OCRL: variants seen among roughly 807,000 people sequenced by gnomAD.
The protein encoded by OCRL is OCRL inositol polyphosphate-5-phosphatase.
In OCRL, 8 loss-of-function variants were observed where a neutral mutation model predicts 78.9. The ratio of observed to expected loss-of-function variants is 0.10; its 90% confidence interval spans 0.06 to 0.18. The LOEUF (loss-of-function observed/expected upper bound fraction) is 0.18, where lower values mean the gene tolerates loss of function less well. Among genes scored for constraint, OCRL ranks in the 10% least tolerant of loss-of-function variants. The probability of loss-of-function intolerance (pLI) is 1.00; values close to 1 mark genes in which losing one functional copy is unlikely to be tolerated. For synonymous variants in OCRL, 240 were observed against 235.4 expected (o/e 1.02, Z -0.18); for missense variants, 454 against 696.7 (o/e 0.65, Z 3.92).
chrX:129,588,794 C>T (rs1936549426), intron 21 of OCRL, 92 bp from the exon 22 acceptor site: 2 of 1,055,137 alleles, frequency 1.9e-6, no homozygotes, highest in South Asian at 3.7e-5. Flanking sequence ...AGGAGGGAAA[C>T]AGTCCCTGTA....
Position 129,548,582 on chromosome X carries a change from G to T in OCRL, c.219G>T (p.Leu73Phe), listed in dbSNP as rs1935920685. The change falls in exon 4 of 24, where the codon TTG (leucine) becomes TTT (phenylalanine). Residue 73 changes from leucine (L) to phenylalanine (F), a missense_variant. Coordinates refer to ENST00000371113, the MANE Select transcript of OCRL (RefSeq NM_000276.4). The part of the protein sequence containing the change: ...RCVQEAEETL[L>F]IDIASNSGCK... The stretch of plus-strand genomic sequence containing the variant: ...TCTCAGAAGCAGAAGAAACTCTTTT[G>T]ATTGACATAGCTTCTAACAGTGAGT... 1 of 1,201,983 alleles carries T rather than the reference G, an allele frequency of 8.3e-7. No individual in the cohort carries two copies. The highest frequency in any genetic ancestry group is 1.8e-5 in the African/African-American group (1 of 56,942).
chrX:129,573,566 A>C, intron 15 of OCRL, among the ~76,000 whole-genome samples: 1 of 110,630 alleles, frequency 9.0e-6, no homozygotes, highest in Non-Finnish European at 1.9e-5. Context: ...GACTTTTTTT[A>C]TTTTTTGAGG....
At chrX:129,586,960 A>T in intron 19 of OCRL, 42 bp from the exon 20 acceptor site, 2 of 899,327 alleles carry the variant, frequency 2.2e-6, no homozygotes, top group Non-Finnish European at 3.3e-6. Flanking sequence ...CAAAGTCTTT[A>T]TTCTGAGACC....
Position 129,584,175 on chromosome X carries a change from A to G in OCRL, c.2116-169A>G, listed in dbSNP as rs763597206. Among the ~76,000 whole-genome samples the G allele has an allele frequency of 7.1e-5, 8 of 112,834 alleles. No homozygotes were observed. In the South Asian group the frequency reaches 2.9e-3, roughly 41 times the overall value. On this transcript the variant is annotated intron_variant, in intron 18 of 23. Transcript: ENST00000371113. The stretch of plus-strand genomic sequence containing the variant: ...GTATAGTAAACTTTGTGTATGAAAA[A>G]TGTATTTCATTTTCAACAATCATAA...
At chrX:129,577,717 A>G (rs1440745312) in intron 18 of OCRL, among the ~76,000 whole-genome samples, 1 of 111,851 alleles carries the variant, frequency 8.9e-6, no homozygotes, top group Non-Finnish European at 1.9e-5. Flanking sequence ...TCTTGGAATT[A>G]TACTTATTTC....
At chrX:129,547,386 A>G (rs186475538) in intron 3 of OCRL, among the ~76,000 whole-genome samples, 2,995 of 107,787 alleles carry the variant, frequency 0.028, 104 homozygotes, top group African/African-American at 0.095. Flanking sequence ...TTAGCCGGGC[A>G]TGGTGGCGGG....
At chrX:129,574,502 CATTT>C (rs1268728023) in intron 15 of OCRL, among the ~76,000 whole-genome samples, 1 of 112,049 alleles carries the variant, frequency 8.9e-6, no homozygotes, top group Admixed American at 9.4e-5. Flanking sequence ...CTGTAGGTTC[CATTT>C]ATTAATATAT....
chrX:129,547,773 G>A (rs1178025310), intron 3 of OCRL, among the ~76,000 whole-genome samples: 2 of 111,017 alleles, frequency 1.8e-5, no homozygotes, highest in Non-Finnish European at 3.8e-5. Flanking sequence ...TGGGAGGGAG[G>A]TGAAAAAGGT....
chrX:129,587,154 G>C (rs1200584385), intron 20 of OCRL, 36 bp downstream of exon 20: 1 of 870,375 alleles, frequency 1.1e-6, no homozygotes, highest in African/African-American at 2.0e-5. Context: ...AACTTTGGAA[G>C]GTGTGTAACT....
At chrX:129,543,902 A>T (rs1935842794) in intron 2 of OCRL, among the ~76,000 whole-genome samples, 1 of 112,144 alleles carries the variant, frequency 8.9e-6, no homozygotes, top group South Asian at 3.7e-4. Flanking sequence ...CTGCAGACAA[A>T]ACTGAATATG....
At chrX:129,546,278 C>A (rs1478133797) in intron 3 of OCRL, among the ~76,000 whole-genome samples, 4 of 111,759 alleles carry the variant, frequency 3.6e-5, no homozygotes, top group Non-Finnish European at 7.5e-5. Flanking sequence ...ATTATGAGCA[C>A]TTTTCCATGC....
Position 129,590,226 on chromosome X carries a change from A to G in OCRL, c.2662A>G (p.Ile888Val), listed in dbSNP as rs376375724. Residue 888 changes from isoleucine (I) to valine (V), a missense_variant, in exon 24 of 24, where the codon ATT becomes GTT. By Grantham distance (29) the Ile-to-Val change is conservative. Transcript: ENST00000371113. ...GACTCCAAGTGACCGCCAGCGTGCT[A>G]TTCAGTTCCTTCTGGGCTTTCTGCT... ...RQTPSDRQRA[I>V]QFLLGFLLGS... The G allele has an allele frequency of 1.7e-6, 2 of 1,211,572 alleles. No homozygotes were observed. Among genetic ancestry groups the G allele is most frequent in the South Asian group, 1.8e-5 (1 of 57,007 alleles).
rs777434676 is a variant in OCRL, at chrX:129,567,316, C to T, written c.1419C>T (p.Phe473=). 9 of 1,207,749 alleles carry T rather than the reference C, an allele frequency of 7.5e-6. No individual in the cohort carries two copies. In the South Asian group the frequency reaches 8.8e-5, roughly 12 times the overall value. Residue 473 remains phenylalanine (F), a synonymous_variant, in exon 14 of 24, where the codon TTC becomes TTT. Transcript: ENST00000371113. Reference sequence around the variant, plus strand: ...ACTTCAATGAAGGGGAAATCAAGTTCATCCCCACTTATAAGTATGACTCTA... The same window carrying T: ...ACTTCAATGAAGGGGAAATCAAGTTTATCCCCACTTATAAGTATGACTCTA... ...FVDFNEGEIK[F]IPTYKYDSKT...
intron 4 of OCRL, among the ~76,000 whole-genome samples, chrX:129,553,570 A>G (rs1456184016): frequency 8.9e-6 from 1 of 112,004 alleles, no homozygotes; most frequent in Admixed American, 9.4e-5. Context: ...TTACTGAGAG[A>G]ATCAGAGGGG....
rs759203987 is a variant in OCRL, at chrX:129,540,456, C to T, written c.17C>T (p.Pro6Leu). Residue 6 changes from proline to leucine, a missense_variant, in exon 1 of 24, where the codon CCG (proline) becomes CTG (leucine). Physicochemically the swap from Pro to Leu is moderately conservative, Grantham distance 98 (BLOSUM62 -3). Transcript: ENST00000371113. ...GCCGCCTGGATGGAGCCGCCGCTCC[C>T]GGTCGGAGCCCAGCCGCTTGCCGTA... MEPPL[P>L]VGAQPLATVE... 5 of 1,120,884 alleles carry T rather than the reference C, an allele frequency of 4.5e-6. No individual in the cohort carries two copies. The highest frequency in any genetic ancestry group is 3.8e-5 in the African/African-American group (2 of 52,708). 92.4% of individuals were successfully genotyped at this position (1,120,884 alleles called of 1,213,427 possible). A position where few individuals can be genotyped will look rare whatever the true frequency, so the allele number is the denominator to read the frequency against.
chrX:129,557,364 A>G lies in OCRL; in HGVS notation c.278A>G (p.Glu93Gly). The G allele has an allele frequency of 8.3e-7, 1 of 1,211,494 alleles. No individual in the cohort carries two copies. Among genetic ancestry groups the G allele is most frequent in the Non-Finnish European group, 1.1e-6 (1 of 895,429 alleles). Residue 93 changes from glutamate (E) to glycine (G), a missense_variant, in exon 5 of 24, where the codon GAG becomes GGG. Physicochemically the swap from Glu to Gly is moderately conservative, Grantham distance 98. Around this residue, in one of 2 missense-constraint regions of OCRL, gnomAD observed 177 missense variants for 179.6 expected, o/e 0.99. Coordinates refer to ENST00000371113, the MANE Select transcript of OCRL (RefSeq NM_000276.4). Reference protein sequence around the residue: ...KIRVQGDWIRERRFEIPDEEH... With the variant: ...KIRVQGDWIRGRRFEIPDEEH... Reference sequence around the variant, plus strand: ...CGGGTTCAGGGGGACTGGATCAGAGAGCGCCGCTTTGAAATCCCTGATGAG... The same window carrying G: ...CGGGTTCAGGGGGACTGGATCAGAGGGCGCCGCTTTGAAATCCCTGATGAG...
At chrX:129,572,337 C>T (rs1936313052) in intron 15 of OCRL, among the ~76,000 whole-genome samples, 1 of 111,804 alleles carries the variant, frequency 8.9e-6, no homozygotes. Flanking sequence ...TACTTTTTTT[C>T]AAATTCCTAA....
chrX:129,575,168 G>A lies in OCRL; in HGVS notation c.1631G>A (p.Arg544Gln), dbSNP rs1464859604. The A allele has an allele frequency of 5.8e-6, 7 of 1,208,078 alleles. No individual in the cohort carries two copies. The highest frequency in any genetic ancestry group is 2.2e-5 in the Admixed American group (1 of 46,070). ...GVKVVDERRY[R>Q]KVFEDSVRIM... ...AAGGTTGTGGATGAACGAAGGTACC[G>A]GAAAGTCTTTGAAGATAGTGTACGC... The change falls in exon 16 of 24, where the codon CGG (arginine) becomes CAG (glutamine). Residue 544 changes from arginine (R) to glutamine (Q), a missense_variant. By Grantham distance (43) the Arg-to-Gln change is conservative. Around this residue, in one of 2 missense-constraint regions of OCRL, gnomAD observed 277 missense variants for 517.1 expected, o/e 0.54. Transcript: ENST00000371113.
intron 4 of OCRL, among the ~76,000 whole-genome samples, chrX:129,554,682 G>A (rs890567590): frequency 3.6e-5 from 4 of 111,886 alleles, no homozygotes; most frequent in East Asian, 2.8e-4. Flanking sequence ...GGCCAGGCCC[G>A]GTGGCTTACG....
Sources: gnomAD v4.1 joint callset for allele counts (sites outside exome capture counted in the v4.1 genomes callset) on GRCh38, gnomAD v4.1.1 for gene constraint, gnomAD v4.1.1 regional missense constraint, MANE v1.5 for transcripts, NCBI Gene and HGNC (gene_info 2026-07-23, HGNC 2026-07-21) for gene names.